TLN2: variants seen among roughly 807,000 people sequenced by gnomAD.
The protein encoded by TLN2 is talin-2.
TLN2 carries 118 observed loss-of-function variants against 294.7 expected under a neutral mutation model. That is an observed-to-expected ratio of 0.40 (90% CI 0.34 to 0.47). TLN2 has a LOEUF of 0.47. Ranked by LOEUF, TLN2 falls within the 20% of genes least tolerant of loss-of-function variation. The pLI is 0.84. For missense variants in TLN2, 3,083 were observed against 3,282.2 expected (o/e 0.94, Z 1.48); for synonymous variants, 1,431 against 1,304.5 (o/e 1.10, Z -2.09).
Position 62,719,826 on chromosome 15 carries a change from T to C in TLN2, c.2937T>C (p.Ala979=), listed in dbSNP as rs142617029. 47 of 1,612,316 alleles carry C rather than the reference T, an allele frequency of 2.9e-5. No individual in the cohort carries two copies. Among genetic ancestry groups the C allele is most frequent in the Non-Finnish European group, 3.6e-5 (42 of 1,179,192 alleles). ...VQGVRGSQAQ[A]EDLSAQLALI... is the part of the protein sequence containing the mutation. ...GAGTGAGGGGGAGCCAAGCTCAAGC[T>C]GAAGACCTGAGTGCCCAGCTGGCTC... Residue 979 remains alanine, a synonymous_variant, in exon 25 of 59, where the codon GCT becomes GCC. Transcript: ENST00000636159.
In TLN2 at chr15:62,792,507, A is replaced by G; in HGVS notation, c.5737-134A>G. On this transcript the variant is annotated intron_variant, in intron 45 of 58. Coordinates refer to ENST00000636159, the MANE Select transcript of TLN2 (RefSeq NM_015059.3). ...AACCAAATTCCATACTTCACCAAAC[A>G]CAGACTCCTAATAGGAGTGGAATTT... 11 of 1,207,982 alleles carry G rather than the reference A, an allele frequency of 9.1e-6. No individual in the cohort carries two copies. The East Asian group carries it at 1.2e-4, about 14-fold the overall frequency. The allele number at this position is 1,207,982 out of a possible 1,614,324, so 74.8% of individuals were successfully genotyped here.
At chr15:62,576,964 C>T (rs555823765) in intron 1 of TLN2, among the ~76,000 whole-genome samples, 28 of 152,102 alleles carry the variant, frequency 1.8e-4, no homozygotes, top group Non-Finnish European at 3.4e-4. Flanking sequence ...AGGTGTCCTG[C>T]CCATGGTCAC....
chr15:62,564,780 G>A lies in TLN2; in HGVS notation c.-237-24907G>A, dbSNP rs370417338. Among the ~76,000 whole-genome samples the A allele has an allele frequency of 3.3e-5, 5 of 151,684 alleles. No individual in the cohort carries two copies. In the South Asian group the frequency reaches 6.3e-4, roughly 19 times the overall value. On this transcript the variant is annotated intron_variant, in intron 1 of 58. Transcript: ENST00000636159. ...AAATTAGCTGGGCATGGTGTCGGGCGCCTGTACTTCCAGCTACTGGGGAAG... is the reference window on the plus strand; with the variant it reads ...AAATTAGCTGGGCATGGTGTCGGGCACCTGTACTTCCAGCTACTGGGGAAG...
At chr15:62,824,177 G>T in intron 54 of TLN2, 1 of 328,112 alleles carries the variant, frequency 3.0e-6, no homozygotes, top group Non-Finnish European at 5.9e-6. Flanking sequence ...TTTGAGACCT[G>T]TATCAGTATT....
At chr15:62,581,613 A>T (rs1362225484) in intron 1 of TLN2, among the ~76,000 whole-genome samples, 1 of 152,192 alleles carries the variant, frequency 6.6e-6, no homozygotes, top group African/African-American at 2.4e-5. Context: ...TTCATTCTCC[A>T]ATTGTTATAC....
At chr15:62,780,269 T>C (rs928836600) in intron 43 of TLN2, among the ~76,000 whole-genome samples, 5 of 152,180 alleles carry the variant, frequency 3.3e-5, no homozygotes, top group African/African-American at 1.2e-4. Flanking sequence ...GTGGTGAAGA[T>C]GGGTTGCCTG....
chr15:62,655,824 A>G (rs1334792177), intron 7 of TLN2, 120 bp from the exon 8 acceptor site: 8 of 1,103,290 alleles, frequency 7.3e-6, no homozygotes, highest in African/African-American at 3.1e-5. Context: ...AAATAACTAT[A>G]ACTACTATAA....
chr15:62,425,307 G>A (rs2034648647), intron 1 of TLN2, among the ~76,000 whole-genome samples: 1 of 149,622 alleles, frequency 6.7e-6, no homozygotes, highest in Non-Finnish European at 1.5e-5. Flanking sequence ...GCTAGGGGAT[G>A]AGCACCCCTG....
At chr15:62,794,270 G>A (rs1265600901) in intron 46 of TLN2, among the ~76,000 whole-genome samples, 1 of 152,166 alleles carries the variant, frequency 6.6e-6, no homozygotes, top group Non-Finnish European at 1.5e-5. Flanking sequence ...CCTAGCAACT[G>A]GCCTTTTGAC....
At chr15:62,811,997 G>A (rs564292173) in intron 52 of TLN2, among the ~76,000 whole-genome samples, 97 of 143,632 alleles carry the variant, frequency 6.8e-4, no homozygotes, top group African/African-American at 2.4e-3. Context: ...GGGTGACAAA[G>A]CAAGACTCCA....
At chr15:62,535,467 TACAC>T (rs35591215) in intron 1 of TLN2, among the ~76,000 whole-genome samples, 87 of 148,922 alleles carry the variant, frequency 5.8e-4, no homozygotes, top group African/African-American at 1.8e-3. Flanking sequence ...TGTCTGTGTG[TACAC>T]ACACACACAC....
Position 62,844,344 on chromosome 15 carries a change from G to C in TLN2, c.*3734G>C, listed in dbSNP as rs1335700758. On this transcript the variant is annotated 3_prime_UTR_variant, in exon 59 of 59. Coordinates refer to ENST00000636159, the MANE Select transcript of TLN2 (RefSeq NM_015059.3). ...ATTCTTTTAAATGCTACAAACAAGAGCTATTTCTTTTCAATAAAAAAGGTT... is the reference window on the plus strand; with the variant it reads ...ATTCTTTTAAATGCTACAAACAAGACCTATTTCTTTTCAATAAAAAAGGTT... 1 of 152,010 alleles carries C rather than the reference G, an allele frequency of 6.6e-6. No individual in the cohort carries two copies. The highest frequency in any genetic ancestry group is 1.5e-5 in the Non-Finnish European group (1 of 68,034). The allele number at this position is 152,010 out of a possible 1,614,324, so 9.4% of individuals were successfully genotyped here.
intron 2 of TLN2, among the ~76,000 whole-genome samples, chr15:62,609,689 C>T (rs1303641358): frequency 1.3e-5 from 2 of 152,120 alleles, no homozygotes; most frequent in African/African-American, 4.8e-5. Flanking sequence ...CTAGATGTGT[C>T]CTGTTACCGA....
At chr15:62,728,242 C>G (rs1017723187) in intron 28 of TLN2, among the ~76,000 whole-genome samples, 2 of 152,150 alleles carry the variant, frequency 1.3e-5, no homozygotes, top group Non-Finnish European at 2.9e-5. Context: ...CAATATGTGC[C>G]CCTCGTGCCT....
chr15:62,666,219 C>A (rs2054618292), intron 9 of TLN2, among the ~76,000 whole-genome samples: 1 of 152,160 alleles, frequency 6.6e-6, no homozygotes, highest in South Asian at 2.1e-4. Flanking sequence ...TTCTTAGTTT[C>A]TCCCATGCTG....
intron 1 of TLN2, among the ~76,000 whole-genome samples, chr15:62,504,328 A>G (rs1195133197): frequency 6.6e-6 from 1 of 152,240 alleles, no homozygotes; most frequent in Non-Finnish European, 1.5e-5. Flanking sequence ...CAACAAGCTG[A>G]TTCTAAAATT....
chr15:62,681,105 A>G (rs1051111121), intron 11 of TLN2, among the ~76,000 whole-genome samples: 2 of 152,122 alleles, frequency 1.3e-5, no homozygotes, highest in African/African-American at 4.8e-5. Flanking sequence ...CAGTAGTGGG[A>G]TTGCTGGATC....
intron 1 of TLN2, among the ~76,000 whole-genome samples, chr15:62,459,111 C>T (rs2036647804): frequency 1.3e-5 from 2 of 152,046 alleles, no homozygotes; most frequent in Non-Finnish European, 2.9e-5. Flanking sequence ...AGTTATTCTC[C>T]TGCCTCAGCC....
intron 1 of TLN2, among the ~76,000 whole-genome samples, chr15:62,572,757 G>C (rs1596187932): frequency 6.7e-6 from 1 of 148,504 alleles, no homozygotes; most frequent in East Asian, 2.0e-4. Context: ...GGCCTCTCTG[G>C]AGAGGCTTTG....
Sources: gnomAD v4.1 joint callset for allele counts (sites outside exome capture counted in the v4.1 genomes callset) on GRCh38, gnomAD v4.1.1 for gene constraint, MANE v1.5 for transcripts, NCBI Gene and HGNC (gene_info 2026-07-23, HGNC 2026-07-21) for gene names.